The following ELAPOR1 variants were observed in gnomAD, a reference collection of about 807,000 sequenced individuals.
The protein encoded by ELAPOR1 is endosome/lysosome-associated apoptosis and autophagy regulator 1.
In ELAPOR1, 77 loss-of-function variants were observed where a neutral mutation model predicts 119.7. The ratio of observed to expected loss-of-function variants is 0.64; its 90% CI spans 0.54 to 0.78. ELAPOR1 has a LOEUF of 0.78. Among genes scored for constraint, ELAPOR1 ranks in the 30% least tolerant of loss-of-function variants. The pLI is 0.00. For missense variants in ELAPOR1, 1,115 were observed against 1,270.4 expected, an observed-to-expected ratio of 0.88 and a Z score of 1.86; for synonymous variants, 481 against 487.2, an observed-to-expected ratio of 0.99 and a Z score of 0.17.
intron 1 of ELAPOR1, among the ~76,000 whole-genome samples, chr1:109,154,207 G>A (rs1468372063): frequency 1.3e-5 from 2 of 150,652 alleles, no homozygotes; most frequent in Non-Finnish European, 3.0e-5. Context: ...CTTGAACCTG[G>A]GAGGCGGAGG....
At chr1:109,134,703 C>T (rs752004607) in intron 1 of ELAPOR1, among the ~76,000 whole-genome samples, 12 of 152,210 alleles carry the variant, frequency 7.9e-5, no homozygotes, top group South Asian at 2.1e-4. Flanking sequence ...GTTTCACCTT[C>T]GTCATTACAA....
intron 1 of ELAPOR1, among the ~76,000 whole-genome samples, chr1:109,137,344 C>T (rs1021973912): frequency 2.0e-5 from 3 of 150,450 alleles, no homozygotes; most frequent in African/African-American, 7.3e-5. Context: ...GCTGGGACTA[C>T]AGGCATGCAC....
At chr1:109,116,001 G>A (rs1415620739) in intron 1 of ELAPOR1, among the ~76,000 whole-genome samples, 1 of 152,204 alleles carries the variant, frequency 6.6e-6, no homozygotes, top group East Asian at 1.9e-4. Context: ...TTCCTGAGTG[G>A]AAGGTAAGAA....
chr1:109,172,948 T>G (rs2101060649), intron 5 of ELAPOR1, among the ~76,000 whole-genome samples: 1 of 151,990 alleles, frequency 6.6e-6, no homozygotes, highest in East Asian at 1.9e-4. Flanking sequence ...TACAAAAAAA[T>G]TAGCCAGGTA....
intron 1 of ELAPOR1, among the ~76,000 whole-genome samples, chr1:109,160,158 G>A (rs1258169139): frequency 1.3e-5 from 2 of 152,004 alleles, no homozygotes; most frequent in African/African-American, 4.8e-5. Context: ...TATTGGCTGG[G>A]CATGGTGTTG....
intron 1 of ELAPOR1, among the ~76,000 whole-genome samples, chr1:109,151,986 A>C (rs1570647111): frequency 6.9e-6 from 1 of 144,340 alleles, no homozygotes; most frequent in East Asian, 2.0e-4. Flanking sequence ...CAATCCTTCC[A>C]CCTCAGCCTC....
At chr1:109,114,480 G>A (rs1402932533) in intron 1 of ELAPOR1, 144 bp downstream of exon 1, 1 of 977,490 alleles carries the variant, frequency 1.0e-6, no homozygotes, top group Non-Finnish European at 1.5e-6. Flanking sequence ...GAGGGAAGAG[G>A]AGCCAGTCTG....
At chr1:109,162,534 G>T (rs1166891399) in intron 2 of ELAPOR1, among the ~76,000 whole-genome samples, 1 of 152,158 alleles carries the variant, frequency 6.6e-6, no homozygotes, top group African/African-American at 2.4e-5. Flanking sequence ...GTGGCTTGCC[G>T]CAGCCCCAGC....
chr1:109,115,642 T>C (rs964795019), intron 1 of ELAPOR1, among the ~76,000 whole-genome samples: 3 of 152,180 alleles, frequency 2.0e-5, no homozygotes, highest in Non-Finnish European at 4.4e-5. Context: ...CATATGGAGA[T>C]AAATTCTTAT....
chr1:109,142,184 C>T (rs1264327934), intron 1 of ELAPOR1, among the ~76,000 whole-genome samples: 1 of 151,166 alleles, frequency 6.6e-6, no homozygotes, highest in African/African-American at 2.4e-5. Flanking sequence ...TTCTGGCACT[C>T]TGAAGAAAGA....
chr1:109,188,925 T>C (rs1653243063), intron 9 of ELAPOR1, 141 bp from the exon 10 acceptor site: 1 of 886,648 alleles, frequency 1.1e-6, no homozygotes, highest in African/African-American at 1.7e-5. Context: ...GTCAACTTGA[T>C]ACAACTTCCT....
intron 1 of ELAPOR1, among the ~76,000 whole-genome samples, chr1:109,129,821 G>T (rs1439501819): frequency 1.3e-5 from 2 of 152,170 alleles, no homozygotes; most frequent in East Asian, 3.8e-4. Flanking sequence ...GAAATAAGAC[G>T]TGCACTAGTT....
At chr1:109,188,766 G>A (rs1570713368) in intron 9 of ELAPOR1, among the ~76,000 whole-genome samples, 1 of 152,184 alleles carries the variant, frequency 6.6e-6, no homozygotes, top group East Asian at 1.9e-4. Flanking sequence ...ATGATAATAT[G>A]ACAATAATAT....
intron 10 of ELAPOR1, 40 bp from the exon 11 acceptor site, chr1:109,189,552 C>T: frequency 6.4e-7 from 1 of 1,567,728 alleles, no homozygotes; most frequent in Non-Finnish European, 8.8e-7. Context: ...TGCCTTGCAC[C>T]CAAGAGCACA....
At chr1:109,182,881 A>G (rs1652782510) in intron 7 of ELAPOR1, among the ~76,000 whole-genome samples, 1 of 151,828 alleles carries the variant, frequency 6.6e-6, no homozygotes, top group Non-Finnish European at 1.5e-5. Flanking sequence ...AAAAAAAAAA[A>G]AAAAATCTCA....
chr1:109,176,596 CT>C (rs1344180618), intron 7 of ELAPOR1, among the ~76,000 whole-genome samples: 12 of 137,868 alleles, frequency 8.7e-5, no homozygotes, highest in East Asian at 2.2e-4. Context: ...GTGCAGTTTT[CT>C]TTTTTTTTCT....
At chr1:109,125,640 T>C (rs189919602) in intron 1 of ELAPOR1, among the ~76,000 whole-genome samples, 10 of 152,174 alleles carry the variant, frequency 6.6e-5, no homozygotes, top group African/African-American at 2.4e-4. Context: ...CGCCTTGGCC[T>C]CCCAAAGTGC....
At chr1:109,171,757 C>A in intron 3 of ELAPOR1, 109 bp from the exon 4 acceptor site, 3 of 1,184,458 alleles carry the variant, frequency 2.5e-6, no homozygotes, top group Non-Finnish European at 3.6e-6. Flanking sequence ...GTTTGTGAAT[C>A]ACAAGCCTGA....
At chr1:109,165,612 A>T (rs1440243360) in intron 3 of ELAPOR1, among the ~76,000 whole-genome samples, 5 of 151,794 alleles carry the variant, frequency 3.3e-5, no homozygotes, top group Admixed American at 6.6e-5. Flanking sequence ...AAAAACAAAA[A>T]CAAAAACCAA....
Sources: allele counts gnomAD v4.1 joint callset (sites outside exome capture counted in the v4.1 genomes callset), GRCh38; gene constraint gnomAD v4.1.1; transcripts MANE v1.5; gene names NCBI Gene and HGNC (gene_info 2026-07-23, HGNC 2026-07-21).